HTR4: variants seen among roughly 807,000 people sequenced by gnomAD.
HTR4 encodes the protein 5-hydroxytryptamine receptor 4.
A neutral mutation model predicts 36.8 loss-of-function variants in HTR4; 16 were observed. The ratio of observed to expected loss-of-function variants is 0.43; its 90% CI spans 0.29 to 0.66. The LOEUF (loss-of-function observed/expected upper bound fraction) is 0.66. HTR4 is among the 30% of genes least tolerant of loss of function. The pLI is 0.13. For missense variants in HTR4, 438 were observed against 490.9 expected, an observed-to-expected ratio of 0.89 and a Z score of 1.02; for synonymous variants, 189 against 185.1, an observed-to-expected ratio of 1.02 and a Z score of -0.17.
At chr5:148,598,255 G>A (rs1230108669) in intron 2 of HTR4, among the ~76,000 whole-genome samples, 3 of 152,064 alleles carry the variant, frequency 2.0e-5, no homozygotes, top group African/African-American at 7.2e-5. Flanking sequence ...CAGAAGGCCA[G>A]TAGTTGAGGC....
Position 148,620,534 on chromosome 5 carries a change from A to G in HTR4, c.26+16455T>C, listed in dbSNP as rs1216756556. On this transcript the variant is annotated intron_variant, in intron 2 of 6. Coordinates refer to ENST00000377888, the MANE Select transcript of HTR4 (RefSeq NM_000870.7). ...CTGGGCTGTAAGTGGAAAATGCACA[A>G]TGGATTTTGAAAACTAAGTACAAAA... Among the ~76,000 whole-genome samples, 5 of 152,246 alleles carry G rather than the reference A, an allele frequency of 3.3e-5. No individual in the cohort carries two copies. The South Asian group carries it at 8.3e-4, about 25-fold the overall frequency.
Position 148,481,657 on chromosome 5 carries a change from A to C in HTR4, c.*1546T>G. On this transcript the variant is annotated 3_prime_UTR_variant, in exon 7 of 7. Transcript: ENST00000377888. The stretch of plus-strand genomic sequence containing the variant: ...AAAGTAAACAACAATGGAAACAATA[A>C]CTGACACCTTATAAGCAATAAGAAA... 1 of 1,499,316 alleles carries C rather than the reference A, an allele frequency of 6.7e-7. No individual in the cohort carries two copies. Among genetic ancestry groups the C allele is most frequent in the Non-Finnish European group, 8.8e-7 (1 of 1,137,894 alleles). The allele number at this position is 1,499,316 out of a possible 1,614,324, so 92.9% of individuals were successfully genotyped here.
chr5:148,482,893 C>G lies in HTR4; in HGVS notation c.*310G>C, dbSNP rs1462208498. 2 of 1,255,912 alleles carry G rather than the reference C, an allele frequency of 1.6e-6. No homozygotes were observed. Among genetic ancestry groups the G allele is most frequent in the East Asian group, 7.5e-5 (2 of 26,604 alleles). 77.8% of individuals were successfully genotyped at this position (1,255,912 alleles called of 1,614,324 possible). ...TATCGTGCTTAGAACGTGAGTGAGA[C>G]AGATCAGACACAGTGAGTGACGGGA... On this transcript the variant is annotated 3_prime_UTR_variant, in exon 7 of 7. Coordinates refer to ENST00000377888, the MANE Select transcript of HTR4 (RefSeq NM_000870.7).
intron 6 of HTR4, among the ~76,000 whole-genome samples, chr5:148,502,923 T>C (rs926573566): frequency 2.0e-5 from 3 of 151,930 alleles, no homozygotes; most frequent in African/African-American, 7.3e-5. Context: ...TGAAATGAAG[T>C]GAGAAGAGAA....
At chr5:148,451,220 G>A (rs763453342) in exon 6 of HTR4, 5 of 1,613,920 alleles carry the variant, frequency 3.1e-6, no homozygotes, top group Non-Finnish European at 3.4e-6. Context: ...GGGTCATTGT[G>A]TATGGGCAGT....
rs1225718201 is a variant in HTR4, at chr5:148,541,069, T to C, written c.353+7599A>G. Among the ~76,000 whole-genome samples the C allele has an allele frequency of 1.3e-5, 2 of 152,206 alleles. 1 individual carries two copies. The highest frequency in any genetic ancestry group is 1.3e-4 in the Admixed American group (2 of 15,276). ...TGAACAATAAACACTCAGTTATTTA[T>C]TCCTCACAAGTCCTAAAAGAGAAGG... On this transcript the variant is annotated intron_variant, in intron 4 of 6. Coordinates refer to ENST00000377888, the MANE Select transcript of HTR4 (RefSeq NM_000870.7).
At chr5:148,520,234 G>A (rs1309258138) in intron 5 of HTR4, among the ~76,000 whole-genome samples, 1 of 152,170 alleles carries the variant, frequency 6.6e-6, no homozygotes, top group Non-Finnish European at 1.5e-5. Flanking sequence ...GTGCAAATGA[G>A]TGGACAGATA....
chr5:148,527,111 T>A (rs1758317780), intron 4 of HTR4, among the ~76,000 whole-genome samples: 1 of 152,216 alleles, frequency 6.6e-6, no homozygotes, highest in Non-Finnish European at 1.5e-5. Context: ...CTACACATTG[T>A]ATGCTTGTAT....
intron 4 of HTR4, among the ~76,000 whole-genome samples, chr5:148,526,787 A>G (rs1758297852): frequency 6.6e-6 from 1 of 152,102 alleles, no homozygotes; most frequent in Non-Finnish European, 1.5e-5. Context: ...AAGGACAAAT[A>G]TTGCATGTTG....
chr5:148,600,755 T>A (rs894562686), intron 2 of HTR4, among the ~76,000 whole-genome samples: 1 of 151,662 alleles, frequency 6.6e-6, no homozygotes, highest in Non-Finnish European at 1.5e-5. Flanking sequence ...TTGACTTTAG[T>A]TCTGGCAATA....
chr5:148,522,687 A>G (rs984544568), intron 5 of HTR4, among the ~76,000 whole-genome samples: 1 of 152,310 alleles, frequency 6.6e-6, no homozygotes. Flanking sequence ...TTGAAATGCA[A>G]CAAGGGAAAG....
chr5:148,544,434 T>C (rs976777150), intron 4 of HTR4, among the ~76,000 whole-genome samples: 1 of 152,140 alleles, frequency 6.6e-6, no homozygotes, highest in Non-Finnish European at 1.5e-5. Flanking sequence ...CCAGTTGCTT[T>C]TTTTCCCCCA....
chr5:148,465,903 A>C (rs1205867819), intron 5 of HTR4: 2 of 1,613,688 alleles, frequency 1.2e-6, no homozygotes, highest in South Asian at 1.1e-5. Flanking sequence ...AGCAGGAGGA[A>C]GCTGGAGACA....
At chr5:148,629,861 T>C (rs548378477) in intron 2 of HTR4, 28 of 152,302 alleles carry the variant, frequency 1.8e-4, no homozygotes, top group African/African-American at 6.5e-4. Flanking sequence ...TATCAATCAA[T>C]GAGAGCCAGA....
downstream of HTR4, among the ~76,000 whole-genome samples, chr5:148,480,010 T>C (rs372199493): frequency 3.7e-4 from 57 of 152,366 alleles, 1 homozygote; most frequent in African/African-American, 1.2e-3. Flanking sequence ...TGACTCTTTA[T>C]GTAGTATTCA....
chr5:148,601,003 A>AAAAAAAAAAG (rs1761974197), intron 2 of HTR4, among the ~76,000 whole-genome samples: 15 of 133,114 alleles, frequency 1.1e-4, no homozygotes, highest in Non-Finnish European at 1.7e-4. Context: ...AAAAAAAAAA[A>AAAAAAAAAAG]CAAATAATGC....
intron 2 of HTR4, among the ~76,000 whole-genome samples, chr5:148,598,409 A>G (rs111269257): frequency 0.15 from 22,223 of 151,970 alleles, 1,769 homozygotes; most frequent in African/African-American, 0.19. Flanking sequence ...GCCAGGTGTG[A>G]TGGCACACGC....
chr5:148,451,734 T>C (rs186992534), intron 5 of HTR4, among the ~76,000 whole-genome samples: 100 of 152,216 alleles, frequency 6.6e-4, no homozygotes, highest in Non-Finnish European at 1.1e-3. Flanking sequence ...TTTGTTACTT[T>C]CATTCCTTTT....
chr5:148,562,898 C>A (rs370828848), intron 2 of HTR4, among the ~76,000 whole-genome samples: 1 of 152,202 alleles, frequency 6.6e-6, no homozygotes, highest in African/African-American at 2.4e-5. Flanking sequence ...CATTCTAGTT[C>A]CTACTACATC....
Sources: allele counts gnomAD v4.1 joint callset (sites outside exome capture counted in the v4.1 genomes callset), GRCh38; gene constraint gnomAD v4.1.1; transcripts MANE v1.5; gene names NCBI Gene and HGNC (gene_info 2026-07-23, HGNC 2026-07-21).